CCSER1: variants seen among roughly 807,000 people sequenced by gnomAD.
CCSER1 encodes serine-rich coiled-coil domain-containing protein 1.
A neutral mutation model predicts 82.0 loss-of-function variants in CCSER1; 41 were observed. The ratio of observed to expected loss-of-function variants is 0.50; its 90% CI spans 0.39 to 0.65. CCSER1 has a LOEUF of 0.65. Among genes scored for constraint, CCSER1 ranks in the 30% least tolerant of loss-of-function variants. CCSER1 has a pLI of 0.00. For synonymous variants in CCSER1, 414 were observed against 383.9 expected (o/e 1.08, Z -0.92); for missense variants, 1,119 against 1,064.2 (o/e 1.05, Z -0.72).
intron 8 of CCSER1, among the ~76,000 whole-genome samples, chr4:90,912,799 T>C (rs1726623562): frequency 6.6e-6 from 1 of 152,190 alleles, no homozygotes; most frequent in African/African-American, 2.4e-5. Flanking sequence ...TTAAAGGACC[T>C]GATGGAGATG....
chr4:91,271,611 C>T (rs1033217106), intron 10 of CCSER1, among the ~76,000 whole-genome samples: 2 of 151,752 alleles, frequency 1.3e-5, no homozygotes, highest in African/African-American at 2.4e-5. Flanking sequence ...TTACTAATTC[C>T]CTTTTATGGC....
At chr4:91,180,103 C>T (rs184901249) in intron 10 of CCSER1, among the ~76,000 whole-genome samples, 1 of 152,276 alleles carries the variant, frequency 6.6e-6, no homozygotes, top group African/African-American at 2.4e-5. Context: ...TGGGTATCAC[C>T]AGTGGAGCCT....
chr4:91,243,389 A>T (rs1581831118), intron 10 of CCSER1, among the ~76,000 whole-genome samples: 3 of 152,300 alleles, frequency 2.0e-5, no homozygotes, highest in Admixed American at 2.0e-4. Context: ...GATTAGAGCC[A>T]GTGGACTGGG....
chr4:90,567,185 AT>A (rs1560731864), intron 5 of CCSER1, among the ~76,000 whole-genome samples: 3 of 151,114 alleles, frequency 2.0e-5, no homozygotes, highest in Non-Finnish European at 4.4e-5. Context: ...GATTTTCAAC[AT>A]TTTGTGATCT....
chr4:91,146,157 G>A (rs746361754), intron 10 of CCSER1, among the ~76,000 whole-genome samples: 2 of 152,060 alleles, frequency 1.3e-5, no homozygotes, highest in African/African-American at 4.8e-5. Context: ...TAACTGTACT[G>A]ATTCAAAGAA....
intron 10 of CCSER1, among the ~76,000 whole-genome samples, chr4:91,147,817 A>G (rs1471643767): frequency 1.3e-5 from 2 of 152,160 alleles, no homozygotes; most frequent in East Asian, 3.8e-4. Flanking sequence ...GTTAGGAGAG[A>G]AAAAATGATA....
At chr4:90,166,540 G>A (rs1730491236) in intron 1 of CCSER1, among the ~76,000 whole-genome samples, 1 of 151,804 alleles carries the variant, frequency 6.6e-6, no homozygotes, top group South Asian at 2.1e-4. Context: ...TAATTAAGGG[G>A]AGAATAATTA....
intron 10 of CCSER1, among the ~76,000 whole-genome samples, chr4:91,253,582 G>T (rs370365026): frequency 1.3e-3 from 191 of 152,284 alleles, no homozygotes; most frequent in African/African-American, 4.4e-3. Flanking sequence ...CCAAAAGGGA[G>T]CAGGGGTGGC....
chr4:90,596,719 CA>C (rs35534640), intron 5 of CCSER1, among the ~76,000 whole-genome samples: 2 of 149,850 alleles, frequency 1.3e-5, no homozygotes, highest in South Asian at 2.1e-4. Context: ...ATTTTTTTAC[CA>C]AAAAAAAGAC....
intron 4 of CCSER1, among the ~76,000 whole-genome samples, chr4:90,442,159 A>T (rs1478506136): frequency 2.6e-5 from 4 of 152,182 alleles, no homozygotes; most frequent in African/African-American, 9.7e-5. Context: ...AAAAGTTCTC[A>T]CAACGAGGGG....
chr4:91,386,485 T>C (rs887642851), intron 10 of CCSER1, among the ~76,000 whole-genome samples: 6 of 151,982 alleles, frequency 3.9e-5, no homozygotes, highest in Non-Finnish European at 8.8e-5. Context: ...AATTGATAAA[T>C]GTGTAGATGG....
intron 6 of CCSER1, among the ~76,000 whole-genome samples, chr4:90,668,647 C>T (rs1266757617): frequency 1.3e-5 from 2 of 151,908 alleles, no homozygotes; most frequent in African/African-American, 4.8e-5. Flanking sequence ...TTTTCAAATG[C>T]TTCTTGATTA....
Position 90,355,038 on chromosome 4 carries a change from A to T in CCSER1, c.1509+41991A>T, listed in dbSNP as rs550914130. On this transcript the variant is annotated intron_variant, in intron 3 of 10. Transcript: ENST00000509176. ...CTAGTCTATCTCATTAACTCTACTA[A>T]AAAAGAGTATTTGAGCCTCAAATAG... is the stretch of plus-strand genomic sequence containing the variant. 3.0e-4 allele frequency among the ~76,000 whole-genome samples: 45 copies of T among 152,170 alleles called. 1 individual carries two copies. The South Asian group carries it at 9.1e-3, about 31-fold the overall frequency.
intron 1 of CCSER1, among the ~76,000 whole-genome samples, chr4:90,223,678 G>A (rs1742597886): frequency 6.6e-6 from 1 of 152,174 alleles, no homozygotes; most frequent in South Asian, 2.1e-4. Flanking sequence ...AAGGGAATGT[G>A]TTAAATGTAT....
intron 5 of CCSER1, among the ~76,000 whole-genome samples, chr4:90,478,812 C>T (rs1765474926): frequency 6.7e-6 from 1 of 150,072 alleles, no homozygotes; most frequent in African/African-American, 2.5e-5. Flanking sequence ...GCAATCTCGG[C>T]TCACTGCAAC....
At chr4:90,766,506 G>T (rs1470237176) in intron 7 of CCSER1, among the ~76,000 whole-genome samples, 1 of 152,086 alleles carries the variant, frequency 6.6e-6, no homozygotes, top group Non-Finnish European at 1.5e-5. Context: ...GGCCAGGCCT[G>T]GTGAATGTGG....
chr4:91,513,768 C>T (rs1423320935), intron 10 of CCSER1, among the ~76,000 whole-genome samples: 2 of 152,052 alleles, frequency 1.3e-5, no homozygotes, highest in Non-Finnish European at 2.9e-5. Context: ...TCCTAATAGT[C>T]TCTGAAGATC....
At chr4:91,570,187 G>A (rs147059432) in intron 10 of CCSER1, among the ~76,000 whole-genome samples, 2 of 152,184 alleles carry the variant, frequency 1.3e-5, no homozygotes, top group Non-Finnish European at 2.9e-5. Context: ...CTCTGCCCCT[G>A]TGGCTTTTCA....
chr4:90,910,142 T>A lies in CCSER1; in HGVS notation c.2095-13228T>A, dbSNP rs1346714796. On this transcript the variant is annotated intron_variant, in intron 8 of 10. Transcript: ENST00000509176. ...AGAGAGAGCAAAGTGGGAAGGGCCATCCTTTTAAACAACCACATCTCGTGA... is the reference window on the plus strand; with the variant it reads ...AGAGAGAGCAAAGTGGGAAGGGCCAACCTTTTAAACAACCACATCTCGTGA... 2.0e-5 allele frequency among the ~76,000 whole-genome samples: 3 copies of A among 152,024 alleles called. No homozygotes were observed. In the East Asian group the frequency reaches 5.8e-4, roughly 29 times the overall value.
Sources: gnomAD v4.1 joint callset for allele counts (sites outside exome capture counted in the v4.1 genomes callset) on GRCh38, gnomAD v4.1.1 for gene constraint, MANE v1.5 for transcripts, NCBI Gene and HGNC (gene_info 2026-07-23, HGNC 2026-07-21) for gene names.